PCCA: variants seen among roughly 807,000 people sequenced by gnomAD.
PCCA encodes propionyl-CoA carboxylase alpha chain, mitochondrial.
In PCCA, 74 loss-of-function variants were observed where a neutral mutation model predicts 101.3. That is an observed-to-expected ratio of 0.73 (90% confidence interval 0.61 to 0.89). The LOEUF is 0.89. Among genes scored for constraint, PCCA ranks in the 40% least tolerant of loss-of-function variants. PCCA has a pLI of 0.00. For missense variants in PCCA, 891 were observed against 907.0 expected (o/e 0.98, Z 0.23); for synonymous variants, 294 against 313.6 (o/e 0.94, Z 0.66).
At chr13:100,378,031 C>A (rs2076026356) in intron 19 of PCCA, among the ~76,000 whole-genome samples, 1 of 152,026 alleles carries the variant, frequency 6.6e-6, no homozygotes, top group Non-Finnish European at 1.5e-5. Context: ...TTTATACTTG[C>A]ACGTGTTTTC....
At chr13:100,335,050 A>G (rs576210211) in intron 17 of PCCA, among the ~76,000 whole-genome samples, 1 of 152,218 alleles carries the variant, frequency 6.6e-6, no homozygotes, top group Non-Finnish European at 1.5e-5. Context: ...TTATGTTCAT[A>G]CTCTATAAAC....
intron 19 of PCCA, among the ~76,000 whole-genome samples, chr13:100,377,804 A>G (rs1321775559): frequency 6.6e-6 from 1 of 152,062 alleles, no homozygotes; most frequent in Non-Finnish European, 1.5e-5. Context: ...ACCAGCTTCC[A>G]TCTTTTAAGT....
chr13:100,491,942 A>G (rs1181426454), intron 21 of PCCA: 1 of 223,012 alleles, frequency 4.5e-6, no homozygotes, highest in Non-Finnish European at 8.4e-6. Flanking sequence ...ATGATGCCGA[A>G]TTGTAATCCA....
chr13:100,131,395 C>G (rs899378565), intron 4 of PCCA, among the ~76,000 whole-genome samples: 13 of 152,174 alleles, frequency 8.5e-5, no homozygotes, highest in Non-Finnish European at 1.2e-4. Context: ...GTGGTGACCA[C>G]TCTTCTCTCA....
chr13:100,123,105 G>A (rs1038057604), intron 4 of PCCA, among the ~76,000 whole-genome samples: 1 of 152,220 alleles, frequency 6.6e-6, no homozygotes, highest in East Asian at 1.9e-4. Flanking sequence ...CGTCCAGGCT[G>A]GAGTGCAATG....
chr13:100,336,788 T>G (rs1032515047), intron 17 of PCCA, among the ~76,000 whole-genome samples: 1 of 152,194 alleles, frequency 6.6e-6, no homozygotes, highest in Non-Finnish European at 1.5e-5. Context: ...CCTCGTTGAC[T>G]TCGCAGTAGA....
chr13:100,252,617 G>T (rs2061827305), intron 8 of PCCA, among the ~76,000 whole-genome samples: 1 of 152,062 alleles, frequency 6.6e-6, no homozygotes. Flanking sequence ...GAAAAGTAAG[G>T]TTATTTATTG....
chr13:100,157,435 AT>A, intron 6 of PCCA, 95 bp downstream of exon 6: 1 of 830,124 alleles, frequency 1.2e-6, no homozygotes, highest in Non-Finnish European at 2.1e-6. Flanking sequence ...GGATTATAGA[AT>A]TTTAATTAAC....
intron 2 of PCCA, 47 bp from the exon 3 acceptor site, chr13:100,111,794 G>A (rs1430407116): frequency 4.4e-6 from 6 of 1,378,682 alleles, no homozygotes; most frequent in Non-Finnish European, 6.2e-6. Context: ...TTAAACCATC[G>A]GTTTAAAAGT....
Position 100,093,866 on chromosome 13 carries a change from G to T in PCCA, c.105+4641G>T, listed in dbSNP as rs372196632. 3.9e-5 allele frequency among the ~76,000 whole-genome samples: 6 copies of T among 152,276 alleles called. No individual in the cohort carries two copies. In the South Asian group the frequency reaches 1.2e-3, roughly 32 times the overall value. ...AGGAGGGAGGATCACTTGAGCCCAG[G>T]AGGTCAAGGCTGCAGTGAGCTGTGA... On this transcript the variant is annotated intron_variant, in intron 1 of 23. Transcript: ENST00000376285.
chr13:100,108,120 G>T (rs1247429384), intron 2 of PCCA, among the ~76,000 whole-genome samples: 1 of 152,166 alleles, frequency 6.6e-6, no homozygotes, highest in Non-Finnish European at 1.5e-5. Context: ...GCTAGCTATG[G>T]AGTTAGAGCC....
rs1258776476 is a variant in PCCA at position 100,348,819 on chromosome 13, T to TTCCTTCCTTCCTTCCTTCCTTC, written c.1643+8560_1643+8561insTCCTTCCTTCCTTCCTTCCTTC. Among the ~76,000 whole-genome samples, 127 of 53,414 alleles carry TTCCTTCCTTCCTTCCTTCCTTC rather than the reference T, an allele frequency of 2.4e-3. 3 individuals are homozygous for TTCCTTCCTTCCTTCCTTCCTTC. Among genetic ancestry groups the TTCCTTCCTTCCTTCCTTCCTTC allele is most frequent in the Non-Finnish European group, 3.5e-3 (89 of 25,790 alleles). 35.0% of individuals were successfully genotyped at this position (53,414 alleles called of 152,430 possible). A position where few individuals can be genotyped will look rare whatever the true frequency, so the allele number is the denominator to read the frequency against. On this transcript the variant is annotated intron_variant, in intron 18 of 23. Coordinates refer to ENST00000376285, the MANE Select transcript of PCCA (RefSeq NM_000282.4). ...TCCTTCCTTCCTTCCTTCCTTCCTT[T>TTCCTTCCTTCCTTCCTTCCTTC]CTTTCTTTTCTCTCTCTTTTTCTCT...
chr13:100,478,130 A>AG (rs1284250765), intron 21 of PCCA, among the ~76,000 whole-genome samples: 1 of 152,226 alleles, frequency 6.6e-6, no homozygotes, highest in African/African-American at 2.4e-5. Flanking sequence ...TACCCTGAAG[A>AG]GGAATGGTAG....
chr13:100,119,446 C>T (rs932910535), intron 4 of PCCA, among the ~76,000 whole-genome samples: 29 of 152,194 alleles, frequency 1.9e-4, no homozygotes, highest in Non-Finnish European at 3.2e-4. Flanking sequence ...ATCACACCCT[C>T]CAGGGTATCA....
intron 13 of PCCA, 145 bp downstream of exon 13, chr13:100,301,748 T>A (rs1645879503): frequency 5.1e-6 from 5 of 980,778 alleles, no homozygotes; most frequent in Non-Finnish European, 8.0e-6. Flanking sequence ...CAGAAAAAAA[T>A]TAGATAATTT....
At chr13:100,143,759 G>C (rs1566568438) in intron 4 of PCCA, among the ~76,000 whole-genome samples, 2 of 151,322 alleles carry the variant, frequency 1.3e-5, no homozygotes, top group African/African-American at 2.4e-5. Flanking sequence ...TGTTGTTGTT[G>C]TTTGTTTGGT....
intron 7 of PCCA, among the ~76,000 whole-genome samples, chr13:100,211,871 G>A (rs1487614276): frequency 6.6e-6 from 1 of 152,084 alleles, no homozygotes; most frequent in Non-Finnish European, 1.5e-5. Context: ...TTCTTGAATA[G>A]GTGAGACTAT....
intron 19 of PCCA, among the ~76,000 whole-genome samples, chr13:100,369,513 A>G (rs1174755282): frequency 1.3e-5 from 2 of 152,184 alleles, no homozygotes; most frequent in East Asian, 3.9e-4. Context: ...TTGCATGCCT[A>G]CTGTGCACCA....
intron 21 of PCCA, among the ~76,000 whole-genome samples, chr13:100,483,586 C>A (rs1388551492): frequency 6.6e-6 from 1 of 152,166 alleles, no homozygotes; most frequent in Non-Finnish European, 1.5e-5. Context: ...TTGGACATTT[C>A]TTTAAGATGA....
Sources: allele counts gnomAD v4.1 joint callset (sites outside exome capture counted in the v4.1 genomes callset), GRCh38; gene constraint gnomAD v4.1.1; transcripts MANE v1.5; gene names NCBI Gene and HGNC (gene_info 2026-07-23, HGNC 2026-07-21).